The following UGT1A10 variants were observed in gnomAD, a reference collection of about 807,000 sequenced individuals.
UGT1A10 encodes UDP-glucuronosyltransferase 1A10.
Under a neutral mutation model 45.8 loss-of-function variants are expected in UGT1A10, and 49 were observed. The ratio of observed to expected loss-of-function variants is 1.07; its 90% CI spans 0.85 to 1.36. UGT1A10 has a LOEUF of 1.36. UGT1A10 is among the 40% of genes most tolerant of loss of function. The pLI is 0.00. For synonymous variants in UGT1A10, 284 were observed against 249.7 expected (o/e 1.14, Z -1.29); for missense variants, 745 against 668.6 (o/e 1.11, Z -1.26).
At chr2:233,651,550 G>T (rs2073741944) in intron 1 of UGT1A10, among the ~76,000 whole-genome samples, 1 of 152,174 alleles carries the variant, frequency 6.6e-6, no homozygotes, top group Admixed American at 6.5e-5. Context: ...TCTCAAAGAG[G>T]AATTCAGATA....
chr2:233,718,923 C>G, intron 1 of UGT1A10: 1 of 1,614,082 alleles, frequency 6.2e-7, no homozygotes, highest in Admixed American at 1.7e-5. Context: ...GTTGGTGGTG[C>G]CCACTGATGG....
At chr2:233,747,242 T>C (rs985835805) in intron 1 of UGT1A10, 31 of 1,603,322 alleles carry the variant, frequency 1.9e-5, no homozygotes, top group African/African-American at 5.4e-5. Flanking sequence ...GTTCCCCTGC[T>C]GTGGCTGGCC....
At chr2:233,765,745 A>G (rs554567026) in intron 1 of UGT1A10, among the ~76,000 whole-genome samples, 1 of 151,724 alleles carries the variant, frequency 6.6e-6, no homozygotes, top group Non-Finnish European at 1.5e-5. Context: ...AAACCCATAA[A>G]GCCATTTGAG....
intron 1 of UGT1A10, among the ~76,000 whole-genome samples, chr2:233,766,746 G>A (rs1202459280): frequency 2.0e-5 from 3 of 152,150 alleles, no homozygotes; most frequent in Non-Finnish European, 4.4e-5. Context: ...GTACAGGTGT[G>A]TGCATGTGTG....
At chr2:233,751,583 A>G (rs1290710025) in intron 1 of UGT1A10, among the ~76,000 whole-genome samples, 1 of 152,192 alleles carries the variant, frequency 6.6e-6, no homozygotes, top group Non-Finnish European at 1.5e-5. Flanking sequence ...CATAATTCCC[A>G]TGTGTTAAGG....
intron 1 of UGT1A10, chr2:233,690,707 C>T: frequency 8.2e-7 from 1 of 1,225,470 alleles, no homozygotes; most frequent in Non-Finnish European, 1.0e-6. Context: ...TAGGGATCGT[C>T]ATTATGACGA....
intron 1 of UGT1A10, among the ~76,000 whole-genome samples, chr2:233,711,736 A>T (rs2076194358): frequency 6.6e-6 from 1 of 152,220 alleles, no homozygotes; most frequent in Non-Finnish European, 1.5e-5. Context: ...GCAATGGCAG[A>T]CACGGCCAGG....
intron 1 of UGT1A10, among the ~76,000 whole-genome samples, chr2:233,669,171 A>G (rs1312952888): frequency 6.6e-6 from 1 of 152,184 alleles, no homozygotes; most frequent in Non-Finnish European, 1.5e-5. Flanking sequence ...TGGGTATTCT[A>G]TTCTGTTCCA....
intron 1 of UGT1A10, among the ~76,000 whole-genome samples, chr2:233,676,283 G>C (rs567234824): frequency 6.6e-6 from 1 of 152,136 alleles, no homozygotes; most frequent in Non-Finnish European, 1.5e-5. Flanking sequence ...GCATCCACAG[G>C]GGTCCTGCAA....
intron 1 of UGT1A10, among the ~76,000 whole-genome samples, chr2:233,762,865 T>G (rs1473495061): frequency 6.6e-6 from 1 of 152,238 alleles, no homozygotes; most frequent in Non-Finnish European, 1.5e-5. Context: ...TAAAGAAATT[T>G]TGGTTTCTTC....
chr2:233,761,873 C>T (rs930936969), intron 1 of UGT1A10, among the ~76,000 whole-genome samples: 2 of 152,192 alleles, frequency 1.3e-5, no homozygotes, highest in South Asian at 2.1e-4. Flanking sequence ...TTTCAGAGAG[C>T]GTTCATTCAC....
At chr2:233,725,041 G>A (rs1430842810) in intron 1 of UGT1A10, among the ~76,000 whole-genome samples, 13 of 148,226 alleles carry the variant, frequency 8.8e-5, no homozygotes, top group African/African-American at 3.3e-4. Flanking sequence ...ACCAAAACCA[G>A]TCAGGCGTGG....
chr2:233,693,495 G>T (rs756909037), intron 1 of UGT1A10: 7 of 1,614,068 alleles, frequency 4.3e-6, no homozygotes, highest in Non-Finnish European at 5.9e-6. Context: ...GAGTATTTGG[G>T]CCTACCATCT....
intron 1 of UGT1A10, chr2:233,755,445 C>T (rs953551785): frequency 7.1e-5 from 22 of 311,136 alleles, no homozygotes; most frequent in South Asian, 1.2e-4. Flanking sequence ...ATGCAGTGCT[C>T]CTGGGACTGG....
rs529174964 is a variant in UGT1A10, at chr2:233,763,096, G to C, written c.856-3938G>C. Among the ~76,000 whole-genome samples the C allele has an allele frequency of 2.0e-5, 3 of 152,310 alleles. No individual in the cohort carries two copies. The East Asian group carries it at 5.8e-4, about 29-fold the overall frequency. On this transcript the variant is annotated intron_variant, in intron 1 of 4. Transcript: ENST00000344644. Reference sequence around the variant, plus strand: ...TTGCGTGAGGATGTTTGTAGGAGAGGCACCGAACTTTATCAGCTGCCTTTC... The same window carrying C: ...TTGCGTGAGGATGTTTGTAGGAGAGCCACCGAACTTTATCAGCTGCCTTTC...
intron 1 of UGT1A10, among the ~76,000 whole-genome samples, chr2:233,714,749 T>G (rs1318708109): frequency 6.6e-6 from 1 of 152,248 alleles, no homozygotes. Flanking sequence ...AGCATATATT[T>G]GACACTTACA....
Position 233,690,972 on chromosome 2 carries a change from C to T in UGT1A10, c.855+53595C>T, listed in dbSNP as rs191302796. On this transcript the variant is annotated intron_variant, in intron 1 of 4. Coordinates refer to ENST00000344644, the MANE Select transcript of UGT1A10 (RefSeq NM_019075.4). Reference sequence around the variant, plus strand: ...CTGTAGGGACTTCTGGGACTAAGAACAGGACCCACATATGAGCAACAGGAT... The same window carrying T: ...CTGTAGGGACTTCTGGGACTAAGAATAGGACCCACATATGAGCAACAGGAT... 157 of 1,003,304 alleles carry T rather than the reference C, an allele frequency of 1.6e-4. 2 individuals are homozygous for T. In the Admixed American group the frequency reaches 8.5e-3, roughly 54 times the overall value. The allele number at this position is 1,003,304 out of a possible 1,614,324, so 62.2% of individuals were successfully genotyped here. A position where few individuals can be genotyped will look rare whatever the true frequency, so the allele number is the denominator to read the frequency against.
intron 1 of UGT1A10, chr2:233,729,134 C>G (rs143371539): frequency 2.7e-5 from 44 of 1,613,172 alleles, no homozygotes; most frequent in Middle Eastern, 1.8e-4. Flanking sequence ...GAGATGGCCA[C>G]AGGACTCCAG....
At chr2:233,697,673 T>G (rs1297148810) in intron 1 of UGT1A10, among the ~76,000 whole-genome samples, 1 of 152,122 alleles carries the variant, frequency 6.6e-6, no homozygotes. Context: ...GGTTGTTTAT[T>G]CAAAATATTT....
Sources: allele counts gnomAD v4.1 joint callset (sites outside exome capture counted in the v4.1 genomes callset), GRCh38; gene constraint gnomAD v4.1.1; transcripts MANE v1.5; gene names NCBI Gene and HGNC (gene_info 2026-07-23, HGNC 2026-07-21).